Variants in COPB1 observed in about 807,000 individuals in gnomAD.
COPB1 encodes coat protein complex I subunit beta 1, also known as coatomer subunit beta.
Under a neutral mutation model 108.7 loss-of-function variants are expected in COPB1, and 21 were observed. The observed-to-expected ratio is 0.19, with a 90% CI of 0.14 to 0.28. The LOEUF is 0.28. COPB1 is among the 10% of genes least tolerant of loss of function. COPB1 has a pLI of 1.00. For missense variants in COPB1, 919 were observed against 1,141.3 expected (o/e 0.81, Z 2.81); for synonymous variants, 378 against 386.8 (o/e 0.98, Z 0.27).
intron 10 of COPB1, among the ~76,000 whole-genome samples, chr11:14,480,558 G>GA (rs1850638707): frequency 6.6e-6 from 1 of 151,768 alleles, no homozygotes; most frequent in Admixed American, 6.6e-5. Context: ...CACTGTTTTT[G>GA]TTTTTTTGAT....
intron 2 of COPB1, among the ~76,000 whole-genome samples, chr11:14,497,342 G>C (rs1851045623): frequency 1.2e-5 from 1 of 82,788 alleles, no homozygotes; most frequent in Non-Finnish European, 2.4e-5. Flanking sequence ...CAACTCTACA[G>C]GAAAAAAAAA....
At position 14,464,583 on chromosome 11, in the gene COPB1, T is replaced by C. The variant is rs190114240; in HGVS notation, c.2410+328A>G. On this transcript the variant is annotated intron_variant, in intron 18 of 21. Coordinates refer to ENST00000439561, the MANE Select transcript of COPB1 (RefSeq NM_001144061.2). Reference sequence around the variant, plus strand: ...TTTGATAACACACCATCTTCCTTTATAAAGCCTTCCACACTGTTAGCATTT... The same window carrying C: ...TTTGATAACACACCATCTTCCTTTACAAAGCCTTCCACACTGTTAGCATTT... 3.9e-4 allele frequency among the ~76,000 whole-genome samples: 59 copies of C among 152,276 alleles called. 1 individual carries two copies. The highest frequency in any genetic ancestry group is 1.3e-3 in the African/African-American group (54 of 41,570).
intron 10 of COPB1, 71 bp from the exon 11 acceptor site, chr11:14,479,785 T>C (rs753498622): frequency 6.6e-6 from 9 of 1,372,596 alleles, no homozygotes; most frequent in African/African-American, 4.5e-5. Context: ...GGACAAGAAA[T>C]AAATTAAAAG....
chr11:14,493,586 G>T, intron 4 of COPB1, 56 bp downstream of exon 4: 1 of 1,441,970 alleles, frequency 6.9e-7, no homozygotes, highest in South Asian at 1.6e-5. Context: ...GGAACCACTA[G>T]TCTAAAAGAC....
At chr11:14,491,009 T>C (rs1316465279) in intron 4 of COPB1, among the ~76,000 whole-genome samples, 4 of 152,070 alleles carry the variant, frequency 2.6e-5, no homozygotes, top group Non-Finnish European at 5.9e-5. Flanking sequence ...CAGGCTGGTC[T>C]TGAACTCCTG....
At position 14,479,627 on chromosome 11, in the gene COPB1, G is replaced by C; in HGVS notation, c.1300C>G (p.Leu434Val). 1 of 1,613,274 alleles carries C rather than the reference G, an allele frequency of 6.2e-7. No homozygotes were observed. ...VREAIQRFDN[L>V]RMLIVEKMLE... The stretch of plus-strand genomic sequence containing the variant: ...ATCTTCTCAACAATAAGCATTCTCA[G>C]GTTATCAAAGCGCTGAATGGCTTCA... Residue 434 changes from leucine to valine, a missense_variant, in exon 11 of 22, where the codon CTG (leucine) becomes GTG (valine). Around this residue, in one of 5 missense-constraint regions of COPB1, gnomAD observed 705 missense variants for 817.8 expected, o/e 0.86. Coordinates refer to ENST00000439561, the MANE Select transcript of COPB1 (RefSeq NM_001144061.2).
intron 2 of COPB1, 25 bp from the exon 3 acceptor site, chr11:14,494,464 A>T (rs1565025421): frequency 7.4e-7 from 1 of 1,359,730 alleles, no homozygotes; most frequent in East Asian, 2.3e-5. Context: ...TTTTTAAAAA[A>T]AAGCACAATT....
At chr11:14,486,577 GT>G in intron 6 of COPB1, 73 bp from the exon 7 acceptor site, 2 of 1,562,362 alleles carry the variant, frequency 1.3e-6, no homozygotes, top group Non-Finnish European at 1.7e-6. Context: ...TTTCATGAAT[GT>G]CAGCTTATGG....
Position 14,481,027 on chromosome 11 carries a change from A to G in COPB1, c.1028T>C (p.Leu343Ser). The G allele has an allele frequency of 6.2e-7, 1 of 1,614,012 alleles. No individual in the cohort carries two copies. The highest frequency in any genetic ancestry group is 1.1e-5 in the South Asian group (1 of 91,080). ...TCTAGAAGAGACAAGATCCAGTGCT[A>G]ACTGCAGAGTTTTCTTTCGTACTTC... is the stretch of plus-strand genomic sequence containing the variant. ...DLEVRKKTLQ[L>S]ALDLVSSRNV... The change falls in exon 9 of 22, where the codon TTA (leucine) becomes TCA (serine). Residue 343 changes from leucine to serine, a missense_variant. Physicochemically the swap from Leu to Ser is moderately radical, Grantham distance 145. This residue lies in a region of COPB1 where 705 missense variants were observed against 817.8 expected (regional missense o/e 0.86). Transcript: ENST00000439561.
At chr11:14,492,318 C>T (rs1034822449) in intron 4 of COPB1, among the ~76,000 whole-genome samples, 1 of 151,742 alleles carries the variant, frequency 6.6e-6, no homozygotes, top group East Asian at 1.9e-4. Flanking sequence ...AAGGAACTCA[C>T]CCTACATTAT....
chr11:14,459,019 C>T (rs867924365), intron 20 of COPB1, among the ~76,000 whole-genome samples: 3 of 152,174 alleles, frequency 2.0e-5, no homozygotes, highest in African/African-American at 2.4e-5. Context: ...CCACCCGCCT[C>T]GGCCTCCCAA....
chr11:14,482,961 G>A, intron 8 of COPB1, 71 bp downstream of exon 8: 6 of 1,378,788 alleles, frequency 4.4e-6, no homozygotes, highest in Non-Finnish European at 5.8e-6. Flanking sequence ...ACCAAGATGG[G>A]CAAAGCTTGA....
chr11:14,468,643 G>T lies in COPB1; in HGVS notation c.2145+38C>A, dbSNP rs763589901. On this transcript the variant is annotated intron_variant, in intron 16 of 21. Transcript: ENST00000439561. ...GCACTAACAACTTCCTTAAGGAGTC[G>T]ATTTAAATAATTTAGAGTCTATCAG... The T allele has an allele frequency of 7.6e-6, 12 of 1,584,136 alleles. No individual in the cohort carries two copies. The Admixed American group carries it at 1.9e-4, about 25-fold the overall frequency.
rs960826573 is a variant in COPB1, at chr11:14,465,174, T to C, written c.2291-144A>G. 4.3e-6 allele frequency: 5 copies of C among 1,150,018 alleles called. No homozygotes were observed. The African/African-American group carries it at 7.6e-5, about 17-fold the overall frequency. The allele number at this position is 1,150,018 out of a possible 1,614,324, so 71.2% of individuals were successfully genotyped here. A position where few individuals can be genotyped will look rare whatever the true frequency, so the allele number is the denominator to read the frequency against. On this transcript the variant is annotated intron_variant, in intron 17 of 21. Coordinates refer to ENST00000439561, the MANE Select transcript of COPB1 (RefSeq NM_001144061.2). ...CTAGGAAAATAAGGAATATGACGAA[T>C]ATGAGAAGAGTATGAATCAAATATA...
At chr11:14,496,312 C>T (rs1056282812) in intron 2 of COPB1, among the ~76,000 whole-genome samples, 6 of 151,840 alleles carry the variant, frequency 4.0e-5, no homozygotes, top group African/African-American at 1.2e-4. Context: ...ACACGGTATA[C>T]ATTTTTAAAA....
At chr11:14,469,760 T>C (rs1292903764) in intron 14 of COPB1, among the ~76,000 whole-genome samples, 197 bp from the exon 15 acceptor site, 1 of 152,226 alleles carries the variant, frequency 6.6e-6, no homozygotes, top group East Asian at 1.9e-4. Context: ...AAGACCTGCA[T>C]TAATCCTCAA....
At chr11:14,489,125 C>T (rs114214513) in intron 5 of COPB1, among the ~76,000 whole-genome samples, 1 of 152,140 alleles carries the variant, frequency 6.6e-6, no homozygotes, top group Non-Finnish European at 1.5e-5. Context: ...TGCTCATATA[C>T]GCAGCTTTCT....
At chr11:14,485,714 G>A (rs1422177694) in intron 7 of COPB1, among the ~76,000 whole-genome samples, 3 of 152,218 alleles carry the variant, frequency 2.0e-5, no homozygotes, top group Middle Eastern at 3.4e-3. Flanking sequence ...TGGGCATAGC[G>A]GTGGGCACCT....
intron 1 of COPB1, 79 bp from the exon 2 acceptor site, chr11:14,499,064 A>C: frequency 1.5e-6 from 1 of 660,544 alleles, no homozygotes; most frequent in Non-Finnish European, 2.5e-6. Flanking sequence ...TGACCTTTTA[A>C]AGTATTAGAA....
Sources: allele counts gnomAD v4.1 joint callset (sites outside exome capture counted in the v4.1 genomes callset), GRCh38; gene constraint gnomAD v4.1.1; regional missense constraint gnomAD v4.1.1; transcripts MANE v1.5; gene names NCBI Gene and HGNC (gene_info 2026-07-23, HGNC 2026-07-21).